The following ZNF398 variants were observed in gnomAD, a reference collection of about 807,000 sequenced individuals.
The protein encoded by ZNF398 is zinc finger DNA binding protein ZER6.
ZNF398 carries 18 observed loss-of-function variants against 41.9 expected under a neutral mutation model. The ratio of observed to expected loss-of-function variants is 0.43; its 90% confidence interval spans 0.30 to 0.64. The LOEUF (loss-of-function observed/expected upper bound fraction) is 0.64, where lower values mean the gene tolerates loss of function less well. Ranked by LOEUF, ZNF398 falls within the 30% of genes least tolerant of loss-of-function variation. The pLI, the probability that ZNF398 is intolerant of heterozygous loss-of-function variation, is 0.14. For missense variants in ZNF398, 669 were observed against 822.8 expected (o/e 0.81, Z 2.29); for synonymous variants, 260 against 308.8 (o/e 0.84, Z 1.66).
chr7:149,164,413 AT>A (rs1281889562), intron 2 of ZNF398, among the ~76,000 whole-genome samples: 3 of 152,168 alleles, frequency 2.0e-5, no homozygotes, highest in African/African-American at 7.2e-5. Flanking sequence ...TCTCAAAAAA[AT>A]AAAAATAAAA....
chr7:149,169,758 C>T (rs1438433793), intron 4 of ZNF398, among the ~76,000 whole-genome samples: 6 of 152,076 alleles, frequency 3.9e-5, no homozygotes, highest in Admixed American at 2.6e-4. Flanking sequence ...AACCTCAGTA[C>T]TTGTTTTCTT....
At chr7:149,151,218 A>G in intron 1 of ZNF398, 1 of 1,214,224 alleles carries the variant, frequency 8.2e-7, no homozygotes, top group Non-Finnish European at 1.1e-6. Flanking sequence ...CACGCTTACT[A>G]ATCTGCTTAC....
intron 4 of ZNF398, among the ~76,000 whole-genome samples, chr7:149,173,158 G>A (rs1207578937): frequency 7.1e-6 from 1 of 141,760 alleles, no homozygotes; most frequent in Non-Finnish European, 1.5e-5. Flanking sequence ...AGACTGGGGT[G>A]CAGTGGCACG....
chr7:149,140,448 C>A (rs551848917), intron 2 of ZNF398, among the ~76,000 whole-genome samples: 1 of 152,022 alleles, frequency 6.6e-6, no homozygotes, highest in Non-Finnish European at 1.5e-5. Context: ...GCAATGGCAC[C>A]ATCTCAGCTC....
rs986132360 is a variant in ZNF398, at chr7:149,149,380, C to T, written c.24+1614C>T. Among the ~76,000 whole-genome samples the T allele has an allele frequency of 5.9e-5, 9 of 151,964 alleles. No individual in the cohort carries two copies. The East Asian group carries it at 1.2e-3, about 20-fold the overall frequency. ...TCCCGAGTAGCTGGGACTACAGGCGCGTGCCACTACGCCCGGGTCCTTTTG... is the reference window on the plus strand; with the variant it reads ...TCCCGAGTAGCTGGGACTACAGGCGTGTGCCACTACGCCCGGGTCCTTTTG... On this transcript the variant is annotated intron_variant, in intron 1 of 5. Transcript: ENST00000475153.
exon 1 of ZNF398, chr7:149,126,560 G>A (rs1338588209): frequency 4.1e-5 from 18 of 436,554 alleles, no homozygotes; most frequent in Non-Finnish European, 3.7e-5. Flanking sequence ...AAACGGAGGG[G>A]CAGGTGAACA....
chr7:149,126,586 C>A, exon 1 of ZNF398: 1 of 367,134 alleles, frequency 2.7e-6, no homozygotes, highest in Non-Finnish European at 4.9e-6. Flanking sequence ...AGAGCAGGAA[C>A]AGGGAGAGAG....
At chr7:149,178,017 C>G (rs965643449) in intron 5 of ZNF398, among the ~76,000 whole-genome samples, 4 of 150,982 alleles carry the variant, frequency 2.6e-5, no homozygotes, top group Non-Finnish European at 5.9e-5. Flanking sequence ...CACAGCTGGA[C>G]GCGGTGGCTC....
In ZNF398 at chr7:149,182,285, C is replaced by T. The variant is rs777077854; in HGVS notation, c.*2484C>T. 7.9e-5 allele frequency: 12 copies of T among 152,184 alleles called. No individual in the cohort carries two copies. Among genetic ancestry groups the T allele is most frequent in the East Asian group, 1.9e-4 (1 of 5,200 alleles). 9.4% of individuals were successfully genotyped at this position (152,184 alleles called of 1,614,324 possible). A position where few individuals can be genotyped will look rare whatever the true frequency, so the allele number is the denominator to read the frequency against. ...GATGTGCAAGGCCATCCCAGAGAGA[C>T]GGAAGCAGGTGCGATACTAAGCCTC... On this transcript the variant is annotated 3_prime_UTR_variant, in exon 6 of 6. Coordinates refer to ENST00000475153, the MANE Select transcript of ZNF398 (RefSeq NM_170686.3).
rs546067432 is a variant in ZNF398, at chr7:149,169,824, C to T, written c.661+2894C>T. ...GGGCCCAAAGACCACTCCCAGATTT[C>T]GTGATCTGCTAGGAGGACTCACAGG... On this transcript the variant is annotated intron_variant, in intron 4 of 5. Coordinates refer to ENST00000475153, the MANE Select transcript of ZNF398 (RefSeq NM_170686.3). Among the ~76,000 whole-genome samples, 267 of 152,252 alleles carry T rather than the reference C, an allele frequency of 1.8e-3. 1 individual carries two copies. The highest frequency in any genetic ancestry group is 5.9e-3 in the African/African-American group (244 of 41,554).
chr7:149,159,968 C>T (rs1795071214), intron 2 of ZNF398, among the ~76,000 whole-genome samples: 2 of 152,026 alleles, frequency 1.3e-5, no homozygotes, highest in Non-Finnish European at 2.9e-5. Flanking sequence ...TCAAGTGATC[C>T]TTCTTCCTCA....
intron 1 of ZNF398, among the ~76,000 whole-genome samples, chr7:149,152,086 C>T (rs1411316703): frequency 1.3e-5 from 2 of 151,944 alleles, no homozygotes; most frequent in African/African-American, 4.8e-5. Flanking sequence ...TGGTGGCACG[C>T]TCCTGTAGTC....
chr7:149,160,235 G>A lies in ZNF398; in HGVS notation c.420+5895G>A, dbSNP rs978351785. Among the ~76,000 whole-genome samples the A allele has an allele frequency of 3.9e-5, 6 of 152,170 alleles. No individual in the cohort carries two copies. In the East Asian group the frequency reaches 5.8e-4, roughly 15 times the overall value. On this transcript the variant is annotated intron_variant, in intron 2 of 5. Coordinates refer to ENST00000475153, the MANE Select transcript of ZNF398 (RefSeq NM_170686.3). ...GGGCGGATCACAAGGTCAGGAGATCGAGACCATCCTGGCTGACACGGGGGT... is the reference window on the plus strand; with the variant it reads ...GGGCGGATCACAAGGTCAGGAGATCAAGACCATCCTGGCTGACACGGGGGT...
chr7:149,133,678 T>TATATATATATATATATACACACAC (rs1483673161), intron 2 of ZNF398, among the ~76,000 whole-genome samples: 9 of 67,022 alleles, frequency 1.3e-4, no homozygotes, highest in African/African-American at 5.5e-4. Flanking sequence ...TATATATATA[T>TATATATATATATATATACACACAC]ACATATATAT....
At chr7:149,157,078 C>G (rs527499150) in intron 2 of ZNF398, among the ~76,000 whole-genome samples, 2 of 152,168 alleles carry the variant, frequency 1.3e-5, no homozygotes, top group African/African-American at 4.8e-5. Flanking sequence ...CTCAGGCTTT[C>G]GGCTTGAAGA....
intron 2 of ZNF398, among the ~76,000 whole-genome samples, chr7:149,163,091 A>T (rs1041112522): frequency 6.6e-6 from 1 of 152,236 alleles, no homozygotes; most frequent in African/African-American, 2.4e-5. Context: ...CAGTTGGCTG[A>T]GATGCAGTTA....
At chr7:149,166,790 A>C in intron 3 of ZNF398, 27 bp from the exon 4 acceptor site, 1 of 1,515,904 alleles carries the variant, frequency 6.6e-7, no homozygotes, top group Non-Finnish European at 9.1e-7. Flanking sequence ...TCTTTGTAAT[A>C]CTCTCTCTTC....
Position 149,180,763 on chromosome 7 carries a change from A to G in ZNF398, c.*962A>G, listed in dbSNP as rs761350041. The G allele has an allele frequency of 6.6e-6, 1 of 152,180 alleles. No homozygotes were observed. The highest frequency in any genetic ancestry group is 1.5e-5 in the Non-Finnish European group (1 of 68,018). 9.4% of individuals were successfully genotyped at this position (152,180 alleles called of 1,614,324 possible). Reference sequence around the variant, plus strand: ...CTGATATTCTTGACAATCATCAGCAACAAAGATCACAGCACTTTCCAGAAG... The same window carrying G: ...CTGATATTCTTGACAATCATCAGCAGCAAAGATCACAGCACTTTCCAGAAG... On this transcript the variant is annotated 3_prime_UTR_variant, in exon 6 of 6. Transcript: ENST00000475153.
chr7:149,162,744 T>C (rs1205225448), intron 2 of ZNF398, among the ~76,000 whole-genome samples: 1 of 152,108 alleles, frequency 6.6e-6, no homozygotes, highest in African/African-American at 2.4e-5. Context: ...AAAAAGTCCA[T>C]TTGTTTCAGA....
Sources: allele counts gnomAD v4.1 joint callset (sites outside exome capture counted in the v4.1 genomes callset), GRCh38; gene constraint gnomAD v4.1.1; transcripts MANE v1.5; gene names NCBI Gene and HGNC (gene_info 2026-07-23, HGNC 2026-07-21).